The following COL11A1 variants were observed in gnomAD, a reference collection of about 807,000 sequenced individuals.
The protein encoded by COL11A1 is collagen alpha-1(XI) chain.
Under a neutral mutation model 265.2 loss-of-function variants are expected in COL11A1, and 74 were observed. The observed-to-expected ratio is 0.28, with a 90% CI of 0.23 to 0.34. The LOEUF (loss-of-function observed/expected upper bound fraction) is 0.34. Ranked by LOEUF, COL11A1 falls within the 10% of genes least tolerant of loss-of-function variation. COL11A1 has a pLI of 1.00. For synonymous variants in COL11A1, 816 were observed against 727.6 expected (o/e 1.12, Z -1.96); for missense variants, 2,165 against 2,263.6 (o/e 0.96, Z 0.88).
chr1:102,997,092 T>G lies in COL11A1; in HGVS notation c.2229A>C (p.Glu743Asp). ...CTTTGGAACCTACCAGAGCCCCCTT[T>G]TCTCCAGACTGGCCTTCTTTCCCAG... ...GHPGKEGQSG[E>D]KGALGPPGPQ... The change falls in exon 26 of 67, where the codon GAA becomes GAC. Residue 743 changes from glutamate (E) to aspartate (D), a missense_variant. Coordinates refer to ENST00000370096, the MANE Select transcript of COL11A1 (RefSeq NM_001854.4). The G allele has an allele frequency of 6.2e-7, 1 of 1,612,032 alleles. No individual in the cohort carries two copies. Among genetic ancestry groups the G allele is most frequent in the Non-Finnish European group, 8.5e-7 (1 of 1,178,496 alleles).
At chr1:103,099,942 C>T (rs1307878004) in intron 1 of COL11A1, among the ~76,000 whole-genome samples, 1 of 151,834 alleles carries the variant, frequency 6.6e-6, no homozygotes, top group African/African-American at 2.4e-5. Flanking sequence ...CCATTCCAAG[C>T]TAACTCAATT....
chr1:103,070,713 C>G (rs185916772), intron 4 of COL11A1, among the ~76,000 whole-genome samples: 5 of 151,708 alleles, frequency 3.3e-5, no homozygotes. Flanking sequence ...AATTGTAACT[C>G]AATAAATTTA....
intron 28 of COL11A1, among the ~76,000 whole-genome samples, chr1:102,991,639 G>C (rs191343718): frequency 2.0e-5 from 3 of 152,238 alleles, no homozygotes; most frequent in Admixed American, 6.5e-5. Flanking sequence ...TGAGTCTCCA[G>C]TGTCAAACAT....
chr1:103,002,661 C>T, intron 22 of COL11A1, 86 bp downstream of exon 22: 2 of 1,248,808 alleles, frequency 1.6e-6, no homozygotes, highest in East Asian at 2.4e-5. Context: ...TGTAATAAAT[C>T]ATTATATTTT....
At chr1:103,051,517 C>T (rs1009002356) in intron 4 of COL11A1, among the ~76,000 whole-genome samples, 1 of 152,192 alleles carries the variant, frequency 6.6e-6, no homozygotes, top group Non-Finnish European at 1.5e-5. Flanking sequence ...CTTTCTTTGA[C>T]TAGGAAAGGG....
chr1:102,934,692 C>A, intron 45 of COL11A1, 136 bp from the exon 46 acceptor site: 1 of 719,316 alleles, frequency 1.4e-6, no homozygotes, highest in Non-Finnish European at 2.5e-6. Context: ...GACTGAATGC[C>A]CATTATCTGC....
intron 7 of COL11A1, among the ~76,000 whole-genome samples, chr1:103,025,031 T>C (rs1667409089): frequency 6.6e-6 from 1 of 152,200 alleles, no homozygotes; most frequent in African/African-American, 2.4e-5. Context: ...ATTACATTCC[T>C]AACAAGTTTG....
chr1:103,070,704 A>G (rs1209436285), intron 4 of COL11A1, among the ~76,000 whole-genome samples: 2 of 151,950 alleles, frequency 1.3e-5, no homozygotes, highest in Non-Finnish European at 2.9e-5. Context: ...TTGTGATTCA[A>G]TTGTAACTCA....
At chr1:103,001,687 C>T (rs1285395452) in intron 24 of COL11A1, 7 of 566,968 alleles carry the variant, frequency 1.2e-5, no homozygotes, top group Non-Finnish European at 2.2e-5. Context: ...ATTAACATAG[C>T]TGAGAATGCC....
chr1:102,895,929 ACATG>A (rs1320560077), intron 57 of COL11A1, among the ~76,000 whole-genome samples: 2 of 151,708 alleles, frequency 1.3e-5, no homozygotes, highest in Non-Finnish European at 2.9e-5. Flanking sequence ...TTGATGACAC[ACATG>A]CATGAATGAG....
At chr1:102,962,407 C>T (rs1441047940) in intron 39 of COL11A1, 142 bp from the exon 40 acceptor site, 14 of 768,760 alleles carry the variant, frequency 1.8e-5, no homozygotes, top group Non-Finnish European at 3.1e-5. Context: ...ATGCCATATG[C>T]ATTAAAATGA....
intron 42 of COL11A1, among the ~76,000 whole-genome samples, chr1:102,943,599 A>G (rs1246810088): frequency 6.6e-6 from 1 of 152,014 alleles, no homozygotes; most frequent in African/African-American, 2.4e-5. Flanking sequence ...ACACTACATC[A>G]CGTGGTAATC....
chr1:102,890,174 CT>C (rs1166447459), intron 58 of COL11A1, among the ~76,000 whole-genome samples: 1 of 151,948 alleles, frequency 6.6e-6, no homozygotes, highest in Non-Finnish European at 1.5e-5. Context: ...TGTTTATTTT[CT>C]GAATAGTTAT....
At chr1:102,892,608 G>A (rs925507998) in intron 57 of COL11A1, among the ~76,000 whole-genome samples, 14 of 152,058 alleles carry the variant, frequency 9.2e-5, no homozygotes, top group African/African-American at 3.1e-4. Context: ...AATGAGGATG[G>A]GCCCTCCCTA....
rs10127706 is a variant in COL11A1, at chr1:102,921,251, C to T, written c.3708+267G>A. On this transcript the variant is annotated intron_variant, in intron 48 of 66. Coordinates refer to ENST00000370096, the MANE Select transcript of COL11A1 (RefSeq NM_001854.4). ...TGAACAATGTAGTAATTTTAATATA[C>T]ACAACATTATAACATTTCTCAGTCA... is the stretch of plus-strand genomic sequence containing the variant. 0.68 allele frequency among the ~76,000 whole-genome samples: 103,564 copies of T among 152,046 alleles called. 39,172 individuals are homozygous for T. Among genetic ancestry groups the T allele is most frequent in the East Asian group, 0.99 (5,121 of 5,184 alleles).
intron 4 of COL11A1, among the ~76,000 whole-genome samples, chr1:103,056,150 A>G (rs955405917): frequency 1.3e-5 from 2 of 152,160 alleles, no homozygotes; most frequent in African/African-American, 4.8e-5. Flanking sequence ...GTCTGCCTAA[A>G]ACTTTGAAAG....
intron 46 of COL11A1, among the ~76,000 whole-genome samples, chr1:102,931,844 T>G (rs1316340171): frequency 1.1e-4 from 16 of 151,644 alleles, no homozygotes; most frequent in Middle Eastern, 6.8e-3. Context: ...TAGCATTATG[T>G]AATGGCCTTC....
intron 14 of COL11A1, among the ~76,000 whole-genome samples, chr1:103,011,908 T>C (rs1189664804): frequency 6.6e-6 from 1 of 152,134 alleles, no homozygotes; most frequent in Non-Finnish European, 1.5e-5. Context: ...ACTTTGTTAT[T>C]TCCAAGAATT....
chr1:103,077,453 T>A (rs1348181245), intron 3 of COL11A1, among the ~76,000 whole-genome samples: 1 of 151,884 alleles, frequency 6.6e-6, no homozygotes, highest in Non-Finnish European at 1.5e-5. Context: ...TTGCTAACAG[T>A]CAAAAAAAGA....
Sources: gnomAD v4.1 joint callset for allele counts (sites outside exome capture counted in the v4.1 genomes callset) on GRCh38, gnomAD v4.1.1 for gene constraint, MANE v1.5 for transcripts, NCBI Gene and HGNC (gene_info 2026-07-23, HGNC 2026-07-21) for gene names.